Variants in AGAP1 observed in about 807,000 individuals in gnomAD.
AGAP1 encodes arf-GAP with GTPase, ANK repeat and PH domain-containing protein 1.
In AGAP1, 29 loss-of-function variants were observed where a neutral mutation model predicts 105.3. The observed-to-expected ratio is 0.28, with a 90% CI of 0.21 to 0.38. The LOEUF is 0.38. Among genes scored for constraint, AGAP1 ranks in the 10% least tolerant of loss-of-function variants. The pLI, the probability that AGAP1 is intolerant of heterozygous loss-of-function variation, is 1.00. For synonymous variants in AGAP1, 509 were observed against 485.9 expected (o/e 1.05, Z -0.63); for missense variants, 998 against 1,165.1 (o/e 0.86, Z 2.09).
rs966154384 is a variant in AGAP1, at chr2:236,001,115, G to A, written c.1645+32492G>A. ...GGGGATGGACCCTCAGAGGCGAGAC[G>A]GACGTACAGGAAACACCACATGGAG... On this transcript the variant is annotated intron_variant, in intron 13 of 17. Transcript: ENST00000304032. The surrounding 1 kb of genome is among the most constrained non-coding windows in gnomAD (Gnocchi z 4.7). Among the ~76,000 whole-genome samples the A allele has an allele frequency of 1.2e-4, 19 of 152,260 alleles. No individual in the cohort carries two copies. The highest frequency in any genetic ancestry group is 4.3e-4 in the African/African-American group (18 of 41,570).
At chr2:235,774,629 AGTCG>A (rs1955719517) in intron 6 of AGAP1, among the ~76,000 whole-genome samples, 1 of 152,252 alleles carries the variant, frequency 6.6e-6, no homozygotes, top group Non-Finnish European at 1.5e-5. Context: ...TGATTAAAAT[AGTCG>A]TTAGGCTGCT....
intron 16 of AGAP1, 113 bp downstream of exon 16, chr2:236,049,394 C>T (rs965646545): frequency 2.6e-5 from 25 of 953,976 alleles, no homozygotes; most frequent in African/African-American, 6.6e-5. Context: ...TGTAGGAATT[C>T]GGGAATTCCG....
At chr2:236,086,880 T>G (rs1224362987) in intron 16 of AGAP1, among the ~76,000 whole-genome samples, 1 of 41,664 alleles carries the variant, frequency 2.4e-5, no homozygotes, top group Non-Finnish European at 4.8e-5. Context: ...CCTACCTCCC[T>G]CCCTCCAAAA....
In AGAP1 at chr2:235,989,958, A is replaced by C. The variant is rs2055491438; in HGVS notation, c.1645+21335A>C. Among the ~76,000 whole-genome samples, 1 of 151,984 alleles carries C rather than the reference A, an allele frequency of 6.6e-6. No homozygotes were observed. Among genetic ancestry groups the C allele is most frequent in the Non-Finnish European group, 1.5e-5 (1 of 68,006 alleles). ...ATTCAAATGCGTAGCCGGGGTTGGG[A>C]ACCAGTGGTTTAGGTTAAGATCAGC... is the stretch of plus-strand genomic sequence containing the variant. On this transcript the variant is annotated intron_variant, in intron 13 of 17. Coordinates refer to ENST00000304032, the MANE Select transcript of AGAP1 (RefSeq NM_001037131.3). This position sits in a 1 kb window ranked among gnomAD's most constrained non-coding sequence, Gnocchi z 4.4.
chr2:236,120,258 C>T lies in AGAP1; in HGVS notation c.2181C>T (p.Cys727=), dbSNP rs549127227. 1.2e-6 allele frequency: 2 copies of T among 1,613,424 alleles called. No individual in the cohort carries two copies. Among genetic ancestry groups the T allele is most frequent in the South Asian group, 2.2e-5 (2 of 91,024 alleles). ...AGCTCTTCCTGGCCCCGCTGCCCTG[C>T]ACGGAGCTGTCCCTGGGCCAGCACC... ...EQKLFLAPLP[C]TELSLGQHLL... The change falls in exon 17 of 18, where the codon TGC becomes TGT. Residue 727 remains cysteine (C), a synonymous_variant. Coordinates refer to ENST00000304032, the MANE Select transcript of AGAP1 (RefSeq NM_001037131.3). The surrounding 1 kb of genome is among the most constrained non-coding windows in gnomAD (Gnocchi z 6.0).
intron 13 of AGAP1, among the ~76,000 whole-genome samples, chr2:235,984,567 G>A (rs114986618): frequency 0.012 from 1,825 of 150,394 alleles, 48 homozygotes; most frequent in African/African-American, 0.042. Context: ...GGTGGTTTGC[G>A]GCACCTATTG....
intron 9 of AGAP1, among the ~76,000 whole-genome samples, chr2:235,868,126 A>C (rs1292851985): frequency 6.6e-6 from 1 of 152,040 alleles, no homozygotes; most frequent in Non-Finnish European, 1.5e-5. Context: ...AATGAATGCA[A>C]ATCATAAGAC....
At chr2:235,501,870 A>G (rs549152085) in intron 1 of AGAP1, among the ~76,000 whole-genome samples, 1 of 152,280 alleles carries the variant, frequency 6.6e-6, no homozygotes, top group South Asian at 2.1e-4. Context: ...TTTAAAATCC[A>G]GGGTTTGAGG....
chr2:235,807,710 C>G (rs998014978), intron 9 of AGAP1, among the ~76,000 whole-genome samples: 2 of 152,156 alleles, frequency 1.3e-5, no homozygotes, highest in African/African-American at 4.8e-5. Context: ...CGACGTGGCC[C>G]TAATTTGCTC....
intron 6 of AGAP1, among the ~76,000 whole-genome samples, chr2:235,779,660 C>G (rs967591403): frequency 6.6e-6 from 1 of 152,218 alleles, no homozygotes; most frequent in Non-Finnish European, 1.5e-5. Context: ...TCAGACATCC[C>G]TGCCCCTGGT....
chr2:235,516,791 G>A (rs946402458), intron 1 of AGAP1, among the ~76,000 whole-genome samples: 3 of 152,210 alleles, frequency 2.0e-5, no homozygotes, highest in Non-Finnish European at 4.4e-5. Flanking sequence ...AGTAAGTGGC[G>A]TCGCTGCCCA....
At position 236,121,991 on chromosome 2, in the gene AGAP1, G is replaced by A. The variant is rs189791026; in HGVS notation, c.2370+1544G>A. Among the ~76,000 whole-genome samples, 280 of 138,168 alleles carry A rather than the reference G, an allele frequency of 2.0e-3. 2 individuals are homozygous for A. The highest frequency in any genetic ancestry group is 7.4e-3 in the African/African-American group (269 of 36,450). The allele number at this position is 138,168 out of a possible 152,430, so 90.6% of individuals were successfully genotyped here. Reference sequence around the variant, plus strand: ...TTTTGGGACAAAGTCTTGCTCTGTCGTCCAGGCTGGAGTGCAGTGGCACAA... The same window carrying A: ...TTTTGGGACAAAGTCTTGCTCTGTCATCCAGGCTGGAGTGCAGTGGCACAA... On this transcript the variant is annotated intron_variant, in intron 17 of 17. Coordinates refer to ENST00000304032, the MANE Select transcript of AGAP1 (RefSeq NM_001037131.3). This position sits in a 1 kb window ranked among gnomAD's most constrained non-coding sequence, Gnocchi z 4.9.
rs899621395 is a variant in AGAP1, at chr2:235,993,020, C to T, written c.1645+24397C>T. On this transcript the variant is annotated intron_variant, in intron 13 of 17. Coordinates refer to ENST00000304032, the MANE Select transcript of AGAP1 (RefSeq NM_001037131.3). The surrounding 1 kb of genome is among the most constrained non-coding windows in gnomAD (Gnocchi z 5.0). ...GATAGTAGCAAAAGTTATTGTTATACGTTACAAAAAACCAGTTTAAGACAT... is the reference window on the plus strand; with the variant it reads ...GATAGTAGCAAAAGTTATTGTTATATGTTACAAAAAACCAGTTTAAGACAT... 1.6e-4 allele frequency among the ~76,000 whole-genome samples: 24 copies of T among 152,256 alleles called. No homozygotes were observed. Among genetic ancestry groups the T allele is most frequent in the African/African-American group, 5.5e-4 (23 of 41,550 alleles).
In AGAP1 at chr2:235,655,918, A is replaced by G. The variant is rs1445967263; in HGVS notation, c.164-53261A>G. Among the ~76,000 whole-genome samples, 1 of 152,212 alleles carries G rather than the reference A, an allele frequency of 6.6e-6. No homozygotes were observed. The highest frequency in any genetic ancestry group is 1.5e-5 in the Non-Finnish European group (1 of 68,026). On this transcript the variant is annotated intron_variant, in intron 1 of 17. Transcript: ENST00000304032. This position sits in a 1 kb window ranked among gnomAD's most constrained non-coding sequence, Gnocchi z 4.3. ...GTTTTGTATGGAAAAGGGAGGGGGCAGTGCAGGATGTGGCAAGGCAGTTGT... is the reference window on the plus strand; with the variant it reads ...GTTTTGTATGGAAAAGGGAGGGGGCGGTGCAGGATGTGGCAAGGCAGTTGT...
intron 12 of AGAP1, among the ~76,000 whole-genome samples, chr2:235,935,708 A>G (rs1382684624): frequency 6.6e-6 from 1 of 152,244 alleles, no homozygotes; most frequent in Non-Finnish European, 1.5e-5. Context: ...CTCTGCAACA[A>G]CTATTGGCTG....
intron 9 of AGAP1, among the ~76,000 whole-genome samples, chr2:235,816,996 G>T (rs1418375920): frequency 2.0e-5 from 3 of 152,186 alleles, no homozygotes; most frequent in Non-Finnish European, 4.4e-5. Context: ...AGCAGACTCA[G>T]TTTCTCCTCG....
In AGAP1 at chr2:235,662,904, C is replaced by T. The variant is rs568967317; in HGVS notation, c.164-46275C>T. 2.6e-4 allele frequency among the ~76,000 whole-genome samples: 40 copies of T among 152,216 alleles called. No homozygotes were observed. The South Asian group carries it at 7.7e-3, about 29-fold the overall frequency. ...ACTGTGTCAGATGTGATTCCGGGGA[C>T]GCAGTTCTTTCTTAAGAGCTCTGAT... On this transcript the variant is annotated intron_variant, in intron 1 of 17. Coordinates refer to ENST00000304032, the MANE Select transcript of AGAP1 (RefSeq NM_001037131.3). This position sits in a 1 kb window ranked among gnomAD's most constrained non-coding sequence, Gnocchi z 4.2.
chr2:235,564,317 A>G (rs533785036), intron 1 of AGAP1, among the ~76,000 whole-genome samples: 56 of 152,176 alleles, frequency 3.7e-4, no homozygotes, highest in African/African-American at 1.3e-3. Context: ...TACTGTTACT[A>G]TTAGTGAGCA....
chr2:235,897,875 T>G (rs1050411208), intron 10 of AGAP1, among the ~76,000 whole-genome samples: 18 of 152,250 alleles, frequency 1.2e-4, no homozygotes, highest in African/African-American at 3.9e-4. Flanking sequence ...GGAAGGTAGG[T>G]AGGGAGGGGC....
Sources: allele counts gnomAD v4.1 joint callset (sites outside exome capture counted in the v4.1 genomes callset), GRCh38; gene constraint gnomAD v4.1.1; non-coding constraint Gnocchi (gnomAD v3.1); transcripts MANE v1.5; gene names NCBI Gene and HGNC (gene_info 2026-07-23, HGNC 2026-07-21).